The following SERPINI1 variants were observed in gnomAD, a reference collection of about 807,000 sequenced individuals.
SERPINI1 encodes neuroserpin.
Under a neutral mutation model 41.1 loss-of-function variants are expected in SERPINI1, and 19 were observed. That is an observed-to-expected ratio of 0.46 (90% CI 0.32 to 0.68). The LOEUF (loss-of-function observed/expected upper bound fraction) is 0.68, where lower values mean the gene tolerates loss of function less well. Ranked by LOEUF, SERPINI1 falls within the 30% of genes least tolerant of loss-of-function variation. The pLI is 0.03. For missense variants in SERPINI1, 460 were observed against 479.2 expected (o/e 0.96, Z 0.37); for synonymous variants, 138 against 156.6 (o/e 0.88, Z 0.89).
At chr3:167,820,999 C>T (rs1712306490) in intron 6 of SERPINI1, among the ~76,000 whole-genome samples, 2 of 152,154 alleles carry the variant, frequency 1.3e-5, no homozygotes, top group African/African-American at 2.4e-5. Flanking sequence ...AGAGGAGCTA[C>T]CCACTGTGGG....
At chr3:167,804,041 A>G (rs1339357683) in intron 5 of SERPINI1, among the ~76,000 whole-genome samples, 1 of 152,240 alleles carries the variant, frequency 6.6e-6, no homozygotes, top group Non-Finnish European at 1.5e-5. Flanking sequence ...ATTTTAAGCC[A>G]TTGAATGTAT....
chr3:167,792,065 C>T (rs1177710973), intron 3 of SERPINI1, among the ~76,000 whole-genome samples: 1 of 152,084 alleles, frequency 6.6e-6, no homozygotes, highest in Non-Finnish European at 1.5e-5. Context: ...ACAGAGTTTG[C>T]AGTGAGCAGA....
Position 167,794,551 on chromosome 3 carries a change from T to C in SERPINI1, c.677-69T>C, listed in dbSNP as rs1727649856. 2.3e-6 allele frequency: 3 copies of C among 1,325,444 alleles called. No homozygotes were observed. In the South Asian group the frequency reaches 3.7e-5, roughly 16 times the overall value. The allele number at this position is 1,325,444 out of a possible 1,614,324, so 82.1% of individuals were successfully genotyped here. A position where few individuals can be genotyped will look rare whatever the true frequency, so the allele number is the denominator to read the frequency against. On this transcript the variant is annotated intron_variant, in intron 4 of 8. Transcript: ENST00000446050. Reference sequence around the variant, plus strand: ...GTACACTATACCAAATATGTAGTCTTTCATCTCTCGCCCCCAGCTTTTTTT... The same window carrying C: ...GTACACTATACCAAATATGTAGTCTCTCATCTCTCGCCCCCAGCTTTTTTT...
intron 1 of SERPINI1, among the ~76,000 whole-genome samples, chr3:167,741,724 A>G (rs1003525712): frequency 6.6e-6 from 1 of 152,236 alleles, no homozygotes; most frequent in Admixed American, 6.5e-5. Flanking sequence ...TTTTTGAGAT[A>G]TATTCAACCT....
At chr3:167,756,425 G>A (rs113323579) in intron 1 of SERPINI1, among the ~76,000 whole-genome samples, 1,564 of 152,050 alleles carry the variant, frequency 0.01, 28 homozygotes, top group African/African-American at 0.036. Flanking sequence ...AGCCTCCCAA[G>A]TAGCTGGGAC....
intron 1 of SERPINI1, among the ~76,000 whole-genome samples, chr3:167,761,101 C>T (rs75357795): frequency 6.6e-6 from 1 of 152,106 alleles, no homozygotes; most frequent in African/African-American, 2.4e-5. Flanking sequence ...GATCTTTTGC[C>T]CCAAGCCTGC....
chr3:167,741,615 G>T (rs1299197582), intron 1 of SERPINI1, among the ~76,000 whole-genome samples: 3 of 152,204 alleles, frequency 2.0e-5, no homozygotes, highest in Non-Finnish European at 4.4e-5. Context: ...CCATATTGTG[G>T]TGTATAATTT....
intron 1 of SERPINI1, among the ~76,000 whole-genome samples, chr3:167,779,821 C>T (rs1429666308): frequency 4.6e-5 from 7 of 152,040 alleles, no homozygotes; most frequent in African/African-American, 9.7e-5. Flanking sequence ...AAAAAGAGCA[C>T]GTCTCCTATT....
chr3:167,773,915 C>T (rs929731114), intron 1 of SERPINI1, among the ~76,000 whole-genome samples: 1 of 152,042 alleles, frequency 6.6e-6, no homozygotes, highest in Non-Finnish European at 1.5e-5. Context: ...CTTAATTTCC[C>T]CAGGGTAAAA....
chr3:167,748,752 C>G (rs973010206), intron 1 of SERPINI1, among the ~76,000 whole-genome samples: 9 of 143,638 alleles, frequency 6.3e-5, no homozygotes, highest in East Asian at 4.2e-4. Flanking sequence ...GTGTGTTACT[C>G]TGTGTGTGTG....
intron 5 of SERPINI1, among the ~76,000 whole-genome samples, chr3:167,795,839 C>G (rs1392480304): frequency 1.3e-5 from 2 of 152,040 alleles, no homozygotes; most frequent in Non-Finnish European, 2.9e-5. Flanking sequence ...TACCTTAAAA[C>G]CTAGTAGGAA....
intron 1 of SERPINI1, among the ~76,000 whole-genome samples, chr3:167,740,765 T>G (rs1299661235): frequency 6.6e-6 from 1 of 152,220 alleles, no homozygotes; most frequent in African/African-American, 2.4e-5. Context: ...AGACATGAAT[T>G]TATTCATTAG....
At chr3:167,784,604 G>C (rs1313841705) in intron 1 of SERPINI1, among the ~76,000 whole-genome samples, 3 of 152,158 alleles carry the variant, frequency 2.0e-5, no homozygotes, top group African/African-American at 7.2e-5. Context: ...AGAAGAAGCA[G>C]GCAACTTCTT....
chr3:167,785,430 T>A (rs1293633809), intron 1 of SERPINI1, among the ~76,000 whole-genome samples: 1 of 152,206 alleles, frequency 6.6e-6, no homozygotes, highest in Non-Finnish European at 1.5e-5. Context: ...CCAAGTCTTA[T>A]ATATTGTCCC....
chr3:167,813,675 G>A (rs1711969694), intron 6 of SERPINI1, among the ~76,000 whole-genome samples: 1 of 152,124 alleles, frequency 6.6e-6, no homozygotes, highest in Admixed American at 6.5e-5. Flanking sequence ...ACCTCTGTTA[G>A]CACGTTTCAT....
At chr3:167,740,816 T>A (rs1331694887) in intron 1 of SERPINI1, among the ~76,000 whole-genome samples, 1 of 152,236 alleles carries the variant, frequency 6.6e-6, no homozygotes, top group Non-Finnish European at 1.5e-5. Context: ...TCTCCTTGCC[T>A]CTAGAACTCT....
intron 6 of SERPINI1, among the ~76,000 whole-genome samples, chr3:167,811,718 A>T (rs1399865061): frequency 1.3e-5 from 2 of 152,124 alleles, no homozygotes; most frequent in East Asian, 1.9e-4. Context: ...AAAAACTTTT[A>T]AAAAATACCA....
chr3:167,810,350 G>C (rs963422232), intron 6 of SERPINI1, among the ~76,000 whole-genome samples: 1 of 151,962 alleles, frequency 6.6e-6, no homozygotes. Context: ...ATGGTGTTTA[G>C]GATATATAAA....
At chr3:167,795,035 T>C (rs1156510366) in intron 5 of SERPINI1, among the ~76,000 whole-genome samples, 1 of 152,152 alleles carries the variant, frequency 6.6e-6, no homozygotes, top group Non-Finnish European at 1.5e-5. Flanking sequence ...TTCATACTCA[T>C]GTGGTCCTTC....
Sources: allele counts gnomAD v4.1 joint callset (sites outside exome capture counted in the v4.1 genomes callset), GRCh38; gene constraint gnomAD v4.1.1; transcripts MANE v1.5; gene names NCBI Gene and HGNC (gene_info 2026-07-23, HGNC 2026-07-21).